The following ITPR1 variants were observed in gnomAD, a reference collection of about 807,000 sequenced individuals.
ITPR1 encodes inositol 1,4,5-trisphosphate receptor type 1, also known as inositol 1,4,5-trisphosphate-gated calcium channel ITPR1.
Under a neutral mutation model 318.4 loss-of-function variants are expected in ITPR1, and 96 were observed. That is an observed-to-expected ratio of 0.30 (90% CI 0.26 to 0.36). ITPR1 has a LOEUF of 0.36. ITPR1 is among the 10% of genes least tolerant of loss of function. The pLI is 1.00. For synonymous variants in ITPR1, 1,312 were observed against 1,289.9 expected, an observed-to-expected ratio of 1.02 and a Z score of -0.37; for missense variants, 2,440 against 3,460.2, an observed-to-expected ratio of 0.71 and a Z score of 7.40.
intron 53 of ITPR1, among the ~76,000 whole-genome samples, chr3:4,795,773 T>C (rs1466886518): frequency 6.6e-6 from 1 of 152,154 alleles, no homozygotes; most frequent in Non-Finnish European, 1.5e-5. Context: ...CTTTCTGGGT[T>C]CCCCCCAGCC....
Position 4,516,456 on chromosome 3 carries a change from G to T in ITPR1, c.-16-20G>T, listed in dbSNP as rs760519532. On this transcript the variant is annotated intron_variant, in intron 2 of 61. Coordinates refer to ENST00000649015, the MANE Select transcript of ITPR1 (RefSeq NM_001378452.1). ...ACATTTCTTTTCTTCTAACAATGCT[G>T]CATATTTTACTTTGTCTAGGATTTT... is the stretch of plus-strand genomic sequence containing the variant. 1 of 1,217,316 alleles carries T rather than the reference G, an allele frequency of 8.2e-7. No homozygotes were observed. 75.4% of individuals were successfully genotyped at this position (1,217,316 alleles called of 1,614,324 possible).
chr3:4,707,595 G>T (rs557251422), intron 37 of ITPR1, among the ~76,000 whole-genome samples: 93 of 152,258 alleles, frequency 6.1e-4, no homozygotes, highest in African/African-American at 2.2e-3. Flanking sequence ...CAGTTCAGGG[G>T]GAGGGAATCT....
intron 60 of ITPR1, among the ~76,000 whole-genome samples, chr3:4,825,229 C>T (rs1198863663): frequency 6.6e-6 from 1 of 152,174 alleles, no homozygotes; most frequent in Non-Finnish European, 1.5e-5. Context: ...TGGAGATTTT[C>T]CAGTTTGTTC....
chr3:4,553,601 C>CT (rs35264136), intron 4 of ITPR1, among the ~76,000 whole-genome samples: 35,196 of 134,178 alleles, frequency 0.26, 5,310 homozygotes, highest in Non-Finnish European at 0.32. Context: ...TGGATAATTT[C>CT]TTTTTTTTTT....
intron 2 of ITPR1, among the ~76,000 whole-genome samples, chr3:4,502,821 C>G (rs694385): frequency 0.63 from 95,737 of 151,792 alleles, 30,349 homozygotes; most frequent in East Asian, 0.81. Context: ...GTGGCTCACG[C>G]CTGTAATCCT....
rs373200660 is a variant in ITPR1 at position 4,699,907 on chromosome 3, G to A, written c.4502G>A (p.Ser1501Asn). ...IVMSIVTTFF[S>N]SPFSDQSTTL... Reference sequence around the variant, plus strand: ...ATGAGTATTGTTACTACTTTCTTCAGCTCTCCCTTCTCAGACCAGAGTACG... The same window carrying A: ...ATGAGTATTGTTACTACTTTCTTCAACTCTCCCTTCTCAGACCAGAGTACG... Residue 1501 changes from serine to asparagine, a missense_variant, in exon 35 of 62, where the codon AGC (serine) becomes AAC (asparagine). Physicochemically the swap from Ser to Asn is conservative, Grantham distance 46 (BLOSUM62 1). Coordinates refer to ENST00000649015, the MANE Select transcript of ITPR1 (RefSeq NM_001378452.1). The A allele has an allele frequency of 2.0e-5, 32 of 1,613,730 alleles. No homozygotes were observed. Among genetic ancestry groups the A allele is most frequent in the Non-Finnish European group, 2.5e-5 (29 of 1,179,774 alleles).
At chr3:4,542,853 CTTGT>C (rs2084596666) in intron 4 of ITPR1, among the ~76,000 whole-genome samples, 1 of 152,210 alleles carries the variant, frequency 6.6e-6, no homozygotes, top group Admixed American at 6.5e-5. Context: ...TTCCAGGGGT[CTTGT>C]TTCCACTTCA....
chr3:4,628,505 G>A (rs1361229580), intron 5 of ITPR1, among the ~76,000 whole-genome samples: 3 of 152,260 alleles, frequency 2.0e-5, no homozygotes, highest in Middle Eastern at 3.4e-3. Flanking sequence ...TTCTTTTAGT[G>A]CCCTGCATTC....
chr3:4,565,319 C>T (rs1032536450), intron 4 of ITPR1, among the ~76,000 whole-genome samples: 1 of 152,178 alleles, frequency 6.6e-6, no homozygotes, highest in African/African-American at 2.4e-5. Flanking sequence ...GCACTGGAGC[C>T]TGCCCTAGCC....
intron 5 of ITPR1, among the ~76,000 whole-genome samples, chr3:4,635,298 C>A (rs1169768505): frequency 6.6e-6 from 1 of 152,194 alleles, no homozygotes; most frequent in East Asian, 1.9e-4. Context: ...GCCTGAGTAT[C>A]CTTTAGAAAG....
intron 44 of ITPR1, among the ~76,000 whole-genome samples, chr3:4,751,967 G>C (rs1280904572): frequency 6.6e-6 from 1 of 152,102 alleles, no homozygotes; most frequent in African/African-American, 2.4e-5. Context: ...CACATTTCCT[G>C]AGGTCCTCTG....
intron 2 of ITPR1, among the ~76,000 whole-genome samples, chr3:4,504,415 T>C (rs2081258432): frequency 6.6e-6 from 1 of 152,198 alleles, no homozygotes; most frequent in Non-Finnish European, 1.5e-5. Context: ...TGCTTAAAGA[T>C]GAAACTTCTG....
chr3:4,606,579 G>C (rs1180717248), intron 4 of ITPR1, among the ~76,000 whole-genome samples: 3 of 152,076 alleles, frequency 2.0e-5, no homozygotes, highest in Admixed American at 2.0e-4. Flanking sequence ...CTGGAGGGGA[G>C]GCAGGGAGGG....
intron 2 of ITPR1, among the ~76,000 whole-genome samples, chr3:4,503,060 G>C (rs939681667): frequency 6.1e-5 from 8 of 130,530 alleles, no homozygotes; most frequent in African/African-American, 2.0e-4. Context: ...ACTCCAGCCT[G>C]GGGGGCAGAG....
In ITPR1 at chr3:4,574,799, C is replaced by T. The variant is rs77737801; in HGVS notation, c.164-52964C>T. Among the ~76,000 whole-genome samples, 629 of 152,266 alleles carry T rather than the reference C, an allele frequency of 4.1e-3. 3 individuals carry two copies. Among genetic ancestry groups the T allele is most frequent in the African/African-American group, 0.014 (584 of 41,536 alleles). On this transcript the variant is annotated intron_variant, in intron 4 of 61. Transcript: ENST00000649015. ...GAACATCAATTTTGCCTGTTCCCAC[C>T]GCCTCATGGCCTGGAGAAGTCTATT...
intron 5 of ITPR1, among the ~76,000 whole-genome samples, chr3:4,628,108 G>T (rs571868233): frequency 6.6e-6 from 1 of 152,294 alleles, no homozygotes; most frequent in East Asian, 1.9e-4. Context: ...CTTTGCATGG[G>T]TAGCTTTGGA....
At chr3:4,747,211 A>G (rs1559822275) in intron 44 of ITPR1, among the ~76,000 whole-genome samples, 1 of 152,126 alleles carries the variant, frequency 6.6e-6, no homozygotes, top group African/African-American at 2.4e-5. Flanking sequence ...CTCATGTACC[A>G]CGGGCTAGCC....
intron 33 of ITPR1, among the ~76,000 whole-genome samples, chr3:4,694,906 T>C (rs901457786): frequency 2.0e-5 from 3 of 152,232 alleles, no homozygotes; most frequent in Non-Finnish European, 2.9e-5. Context: ...TTTATTATGT[T>C]CTTGTGTATT....
chr3:4,749,236 C>G (rs1053446343), intron 44 of ITPR1: 5 of 152,212 alleles, frequency 3.3e-5, no homozygotes, highest in African/African-American at 1.2e-4. Context: ...CTTGCAGAAC[C>G]ATAATGGCAA....
Sources: gnomAD v4.1 joint callset for allele counts (sites outside exome capture counted in the v4.1 genomes callset) on GRCh38, gnomAD v4.1.1 for gene constraint, MANE v1.5 for transcripts, NCBI Gene and HGNC (gene_info 2026-07-23, HGNC 2026-07-21) for gene names.